Variants in SLC44A5 observed in about 807,000 individuals in gnomAD.
SLC44A5 encodes choline transporter-like protein 5.
In SLC44A5, 57 loss-of-function variants were observed where a neutral mutation model predicts 101.8. The observed-to-expected ratio is 0.56, with a 90% CI of 0.45 to 0.70. The LOEUF (loss-of-function observed/expected upper bound fraction) is 0.70. Among genes scored for constraint, SLC44A5 ranks in the 30% least tolerant of loss-of-function variants. SLC44A5 has a pLI of 0.00. For missense variants in SLC44A5, 737 were observed against 853.1 expected, an observed-to-expected ratio of 0.86 and a Z score of 1.70; for synonymous variants, 281 against 290.9, an observed-to-expected ratio of 0.97 and a Z score of 0.35.
intron 2 of SLC44A5, among the ~76,000 whole-genome samples, chr1:75,477,399 T>G (rs1447927430): frequency 1.3e-5 from 2 of 152,164 alleles, no homozygotes; most frequent in Non-Finnish European, 2.9e-5. Context: ...AACAAAGCTG[T>G]ACGGAGAATG....
chr1:75,283,803 T>A (rs961552758), intron 5 of SLC44A5, among the ~76,000 whole-genome samples: 12 of 152,142 alleles, frequency 7.9e-5, no homozygotes, highest in Non-Finnish European at 1.6e-4. Context: ...ATCAGTTGGC[T>A]GTAAGTATTT....
chr1:75,440,665 G>T (rs1041313629), intron 2 of SLC44A5, among the ~76,000 whole-genome samples: 5 of 152,114 alleles, frequency 3.3e-5, no homozygotes, highest in Non-Finnish European at 5.9e-5. Flanking sequence ...GAGAAGCAAG[G>T]AAACCAGCTG....
intron 6 of SLC44A5, among the ~76,000 whole-genome samples, chr1:75,263,461 A>G (rs1262773824): frequency 6.6e-6 from 1 of 152,240 alleles, no homozygotes; most frequent in Non-Finnish European, 1.5e-5. Context: ...AATGATGGTC[A>G]TTAAAAAGTC....
chr1:75,437,444 T>C (rs61798713), intron 2 of SLC44A5, among the ~76,000 whole-genome samples: 1 of 152,140 alleles, frequency 6.6e-6, no homozygotes, highest in East Asian at 1.9e-4. Flanking sequence ...ACTTTTCATA[T>C]AAAGAATGAG....
chr1:75,427,378 T>C (rs1370934420), intron 2 of SLC44A5, among the ~76,000 whole-genome samples: 2 of 152,214 alleles, frequency 1.3e-5, no homozygotes, highest in Non-Finnish European at 2.9e-5. Context: ...ATACCAGTCA[T>C]GCATTGAAAT....
intron 2 of SLC44A5, among the ~76,000 whole-genome samples, chr1:75,406,546 G>T (rs1029272283): frequency 4.6e-5 from 7 of 152,154 alleles, no homozygotes; most frequent in African/African-American, 1.7e-4. Context: ...GGGATGTAAG[G>T]CTGGTTCAAC....
intron 2 of SLC44A5, among the ~76,000 whole-genome samples, chr1:75,488,027 T>TCTTATGAGAAGAAGAAG (rs1354003304): frequency 1.9e-3 from 286 of 152,328 alleles, no homozygotes; most frequent in African/African-American, 6.2e-3. Flanking sequence ...GGATCTACGT[T>TCTTATGAGAAGAAGAAG]GTATGCTTCT....
chr1:75,422,810 A>G (rs955845223), intron 2 of SLC44A5, among the ~76,000 whole-genome samples: 23 of 152,180 alleles, frequency 1.5e-4, no homozygotes, highest in Non-Finnish European at 8.8e-5. Flanking sequence ...TTAAATGGCC[A>G]AACTGGAACT....
rs139395457 is a variant in SLC44A5, at chr1:75,233,861, G to A, written c.853+125C>T. On this transcript the variant is annotated intron_variant, in intron 12 of 23. Transcript: ENST00000370859. ...ATGAAATATTTTTTCTAAGTTTAAA[G>A]CTTTTTTGAGGGTAAAGAATAATTA... 5.4e-4 allele frequency: 383 copies of A among 714,730 alleles called. 1 individual carries two copies. In the African/African-American group the frequency reaches 6.4e-3, roughly 12 times the overall value. The allele number at this position is 714,730 out of a possible 1,614,324, so 44.3% of individuals were successfully genotyped here.
chr1:75,421,423 T>A (rs1663997609), intron 2 of SLC44A5, among the ~76,000 whole-genome samples: 2 of 152,132 alleles, frequency 1.3e-5, no homozygotes, highest in African/African-American at 4.8e-5. Context: ...ATGTAGGCCA[T>A]AAGCCATATG....
chr1:75,552,967 G>A (rs548099802), intron 1 of SLC44A5, among the ~76,000 whole-genome samples: 10 of 151,896 alleles, frequency 6.6e-5, no homozygotes, highest in South Asian at 4.1e-4. Flanking sequence ...TTAATCTATC[G>A]TTCCTGACAT....
intron 5 of SLC44A5, among the ~76,000 whole-genome samples, chr1:75,286,593 T>C (rs2100803439): frequency 6.6e-6 from 1 of 152,220 alleles, no homozygotes; most frequent in South Asian, 2.1e-4. Context: ...TTTAAGGAGG[T>C]GCTATTTTGG....
intron 6 of SLC44A5, among the ~76,000 whole-genome samples, chr1:75,263,340 TAGA>T (rs1557593486): frequency 6.6e-6 from 1 of 152,084 alleles, no homozygotes; most frequent in Admixed American, 6.6e-5. Flanking sequence ...AGACACTTCT[TAGA>T]AGAAGACATT....
upstream of SLC44A5, chr1:75,615,880 T>G: frequency 1.0e-6 from 1 of 987,684 alleles, no homozygotes; most frequent in Non-Finnish European, 1.2e-6. Context: ...TTTCTCTTCT[T>G]GGCCATCTTC....
chr1:75,340,577 A>T (rs2101034536), intron 3 of SLC44A5, among the ~76,000 whole-genome samples: 1 of 152,314 alleles, frequency 6.6e-6, no homozygotes, highest in Non-Finnish European at 1.5e-5. Flanking sequence ...ACTGCAACAG[A>T]TAATATTAAA....
At chr1:75,699,649 A>C in the SLC44A5 span, among the ~76,000 whole-genome samples, 1 of 152,032 alleles carries the variant, frequency 6.6e-6, no homozygotes, top group Non-Finnish European at 1.5e-5. Context: ...CCAAATTCAC[A>C]CATAACAATA....
chr1:75,273,525 C>T (rs1265261014), intron 6 of SLC44A5, among the ~76,000 whole-genome samples: 1 of 151,962 alleles, frequency 6.6e-6, no homozygotes, highest in East Asian at 1.9e-4. Flanking sequence ...GTTACAGATG[C>T]CTTTTATTAC....
At chr1:75,259,592 T>G (rs992668131) in intron 6 of SLC44A5, among the ~76,000 whole-genome samples, 3 of 152,146 alleles carry the variant, frequency 2.0e-5, no homozygotes, top group African/African-American at 7.2e-5. Flanking sequence ...TGGAACCAAG[T>G]TGGAAAACAC....
chr1:75,239,309 CT>C (rs1350958540), intron 9 of SLC44A5, among the ~76,000 whole-genome samples: 2 of 152,016 alleles, frequency 1.3e-5, no homozygotes, highest in Admixed American at 1.3e-4. Flanking sequence ...TGATTGGAGT[CT>C]TTGCCTCTTT....
Sources: allele counts gnomAD v4.1 joint callset (sites outside exome capture counted in the v4.1 genomes callset), GRCh38; gene constraint gnomAD v4.1.1; transcripts MANE v1.5; gene names NCBI Gene and HGNC (gene_info 2026-07-23, HGNC 2026-07-21).